The following COG8 variants were observed in gnomAD, a reference collection of about 807,000 sequenced individuals.
COG8 encodes conserved oligomeric Golgi complex subunit 8.
Under a neutral mutation model 46.5 loss-of-function variants are expected in COG8, and 45 were observed. That is an observed-to-expected ratio of 0.97 (90% confidence interval 0.76 to 1.24). The LOEUF (loss-of-function observed/expected upper bound fraction) is 1.24, where lower values mean the gene tolerates loss of function less well. COG8 is among the 50% of genes most tolerant of loss of function. The pLI, the probability that COG8 is intolerant of heterozygous loss-of-function variation, is 0.00. For missense variants in COG8, 793 were observed against 820.8 expected, an observed-to-expected ratio of 0.97 and a Z score of 0.41; for synonymous variants, 407 against 347.8, an observed-to-expected ratio of 1.17 and a Z score of -1.90.
chr16:69,329,046 G>A lies in COG8; in HGVS notation c.*160C>T, dbSNP rs774895943. On this transcript the variant is annotated 3_prime_UTR_variant, in exon 6 of 6. Coordinates refer to ENST00000306875, the MANE Select transcript of COG8 (RefSeq NM_032382.5). The stretch of plus-strand genomic sequence containing the variant: ...TTTAGTCATTCACCTTCATCCAATA[G>A]ACGTTTGTGAACGTCCTGCTGTCCA... 2 of 1,610,714 alleles carry A rather than the reference G, an allele frequency of 1.2e-6. No homozygotes were observed. The highest frequency in any genetic ancestry group is 1.7e-6 in the Non-Finnish European group (2 of 1,179,030).
intron 2 of COG8, 111 bp from the exon 3 acceptor site, chr16:69,335,459 G>A (rs2012156704): frequency 1.1e-6 from 1 of 922,798 alleles, no homozygotes; most frequent in African/African-American, 1.6e-5. Flanking sequence ...CCTGAAATGT[G>A]AAGTAATTTC....
At chr16:69,330,670 A>C in intron 5 of COG8, 143 bp downstream of exon 5, 1 of 1,395,612 alleles carries the variant, frequency 7.2e-7, no homozygotes, top group Non-Finnish European at 9.3e-7. Flanking sequence ...CCGCGACTGG[A>C]TCCCCGCCTT....
In COG8 at chr16:69,339,519, T is replaced by TGGCTACCGATGGGATAGTCGCCGC. The variant is rs1348779886; in HGVS notation, c.10_33dup (p.Ala4_Ala11dup). ...TCGCCGAGAGCCGCTGCTGTGGCCG[T>TGGCTACCGATGGGATAGTCGCCGC]GGCTACCGATGGGATAGTCGCCGCG... On this transcript the variant is annotated inframe_insertion, in exon 1 of 6. Transcript: ENST00000306875. 1 of 1,607,762 alleles carries TGGCTACCGATGGGATAGTCGCCGC rather than the reference T, an allele frequency of 6.2e-7. No homozygotes were observed. Among genetic ancestry groups the TGGCTACCGATGGGATAGTCGCCGC allele is most frequent in the East Asian group, 2.2e-5 (1 of 44,860 alleles).
At chr16:69,332,652 G>A (rs1222990858) in intron 4 of COG8, 62 bp downstream of exon 4, 3 of 1,414,076 alleles carry the variant, frequency 2.1e-6, no homozygotes, top group Admixed American at 1.7e-5. Flanking sequence ...ACAAATGGAT[G>A]AATTATTTAG....
In COG8 at chr16:69,329,203, G is replaced by T. The variant is rs141051526; in HGVS notation, c.*27-24C>A. 80 of 1,564,676 alleles carry T rather than the reference G, an allele frequency of 5.1e-5. 1 individual carries two copies. The East Asian group carries it at 1.2e-3, about 23-fold the overall frequency. On this transcript the variant is annotated intron_variant, in intron 5 of 5. Coordinates refer to ENST00000306875, the MANE Select transcript of COG8 (RefSeq NM_032382.5). ...CCCTGCAAAGGAAGTTACAGCCCTG[G>T]TGAGTGGGAACAGCTGAACTGCATC...
In COG8 at chr16:69,328,393, C is replaced by G. The variant is rs1222112642; in HGVS notation, c.*813G>C. On this transcript the variant is annotated 3_prime_UTR_variant, in exon 6 of 6. Transcript: ENST00000306875. ...CACTTCTCAATTGTCACCCCTGCCC[C>G]CAGCCCTGATCCACGGCCTCTACCC... The G allele has an allele frequency of 6.5e-6, 1 of 152,740 alleles. No individual in the cohort carries two copies. Among genetic ancestry groups the G allele is most frequent in the Non-Finnish European group, 1.5e-5 (1 of 68,432 alleles). 9.5% of individuals were successfully genotyped at this position (152,740 alleles called of 1,614,324 possible).
intron 5 of COG8, chr16:69,330,554 C>T (rs779162844): frequency 1.4e-6 from 2 of 1,469,956 alleles, no homozygotes; most frequent in Non-Finnish European, 1.8e-6. Flanking sequence ...ACTCAGCGCG[C>T]CCCACAGCCG....
chr16:69,339,332 T>C lies in COG8; in HGVS notation c.221A>G (p.Gln74Arg), dbSNP rs1433069189. 1 of 1,606,806 alleles carries C rather than the reference T, an allele frequency of 6.2e-7. No individual in the cohort carries two copies. Among genetic ancestry groups the C allele is most frequent in the South Asian group, 1.1e-5 (1 of 90,794 alleles). ...EPERLAEERA[Q>R]LLQQTRDLAF... ...CAAGTCGCGCGTCTGCTGCAGCAGC[T>C]GCGCCCGCTCCTCCGCCAGGCGCTC... The change falls in exon 1 of 6, where the codon CAG becomes CGG. Residue 74 changes from glutamine to arginine, a missense_variant. Transcript: ENST00000306875.
chr16:69,329,550 G>C (rs957423069), intron 5 of COG8, among the ~76,000 whole-genome samples: 1 of 152,204 alleles, frequency 6.6e-6, no homozygotes, highest in African/African-American at 2.4e-5. Context: ...ATCTTGAACC[G>C]ACGGGCTTGC....
At chr16:69,332,321 G>A (rs1210249799) in intron 4 of COG8, among the ~76,000 whole-genome samples, 1 of 151,876 alleles carries the variant, frequency 6.6e-6, no homozygotes, top group Non-Finnish European at 1.5e-5. Flanking sequence ...CTGCACTCCA[G>A]CCTGGCAACA....
At chr16:69,338,306 T>C (rs1379311432) in intron 1 of COG8, 2 of 151,396 alleles carry the variant, frequency 1.3e-5, no homozygotes, top group African/African-American at 2.4e-5. Flanking sequence ...ACTCCTGGGT[T>C]CAAGCCTCAG....
At position 69,332,698 on chromosome 16, in the gene COG8, A is replaced by C. The variant is rs774992576; in HGVS notation, c.1582+16T>G. On this transcript the variant is annotated intron_variant, in intron 4 of 5. Transcript: ENST00000306875. ...ACACATCAGTAAGGCAGTTTACAGAATTTTCATTCTCTTACCTAAAGTCTG... is the reference window on the plus strand; with the variant it reads ...ACACATCAGTAAGGCAGTTTACAGACTTTTCATTCTCTTACCTAAAGTCTG... The C allele has an allele frequency of 3.1e-6, 5 of 1,610,136 alleles. No homozygotes were observed. In the South Asian group the frequency reaches 4.4e-5, roughly 14 times the overall value.
chr16:69,339,533 A>G lies in COG8; in HGVS notation c.20T>C (p.Ile7Thr). Reference protein sequence around the residue: MATAATIPSVATATAAA... With the variant: MATAATTPSVATATAAA... ...TGCTGTGGCCGTGGCTACCGATGGG[A>G]TAGTCGCCGCGGTCGCCATCTTCCC... Residue 7 changes from isoleucine (I) to threonine (T), a missense_variant, in exon 1 of 6, where the codon ATC (isoleucine) becomes ACC (threonine). Physicochemically the swap from Ile to Thr is moderately conservative, Grantham distance 89. Transcript: ENST00000306875. The G allele has an allele frequency of 1.2e-6, 2 of 1,608,660 alleles. No homozygotes were observed. Among genetic ancestry groups the G allele is most frequent in the African/African-American group, 1.3e-5 (1 of 74,984 alleles).
At chr16:69,339,155 T>C in intron 1 of COG8, 21 bp downstream of exon 1, 1 of 1,612,902 alleles carries the variant, frequency 6.2e-7, no homozygotes, top group Non-Finnish European at 8.5e-7. Context: ...TAAAACCCCT[T>C]TAGCGCCAGG....
Position 69,329,129 on chromosome 16 carries a change from C to A in COG8, c.*77G>T. 1 of 1,608,998 alleles carries A rather than the reference C, an allele frequency of 6.2e-7. No individual in the cohort carries two copies. ...TCCATCTCGTGCTGGATGATGCGGG[C>A]TGCCCACCCGCTCGCCTGCCACACC... On this transcript the variant is annotated 3_prime_UTR_variant, in exon 6 of 6. Coordinates refer to ENST00000306875, the MANE Select transcript of COG8 (RefSeq NM_032382.5).
Position 69,334,493 on chromosome 16 carries a change from T to C in COG8, c.1413+28A>G, listed in dbSNP as rs1396724660. ...ACCCATTACCAGAGAAGGCCCAGGGTAGCAGAAAACCAACAGAATGTGCTC... is the reference window on the plus strand; with the variant it reads ...ACCCATTACCAGAGAAGGCCCAGGGCAGCAGAAAACCAACAGAATGTGCTC... On this transcript the variant is annotated intron_variant, in intron 3 of 5. Coordinates refer to ENST00000306875, the MANE Select transcript of COG8 (RefSeq NM_032382.5). 7 of 1,597,432 alleles carry C rather than the reference T, an allele frequency of 4.4e-6. No homozygotes were observed. The African/African-American group carries it at 9.4e-5, about 21-fold the overall frequency.
Position 69,334,869 on chromosome 16 carries a change from G to A in COG8, c.1065C>T (p.Ser355=). 6.2e-7 allele frequency: 1 copy of A among 1,614,200 alleles called. No homozygotes were observed. The highest frequency in any genetic ancestry group is 2.2e-5 in the East Asian group (1 of 44,880). The part of the protein sequence containing the change: ...LLGQCMYFGL[S]FSRVGADFRG... ...GGAAATCAGCTCCCACCCGGCTGAA[G>A]GACAGCCCAAAGTACATGCACTGGC... is the stretch of plus-strand genomic sequence containing the variant. The change falls in exon 3 of 6, where the codon TCC becomes TCT. Residue 355 remains serine, a synonymous_variant. Transcript: ENST00000306875.
rs1375098106 is a variant in COG8 at position 69,339,516 on chromosome 16, C to T, written c.37G>A (p.Ala13Thr). The T allele has an allele frequency of 3.7e-6, 6 of 1,607,458 alleles. No individual in the cohort carries two copies. The highest frequency in any genetic ancestry group is 2.2e-5 in the East Asian group (1 of 44,858). The change falls in exon 1 of 6, where the codon GCC (alanine) becomes ACC (threonine). Residue 13 changes from alanine (A) to threonine (T), a missense_variant. Coordinates refer to ENST00000306875, the MANE Select transcript of COG8 (RefSeq NM_032382.5). Reference sequence around the variant, plus strand: ...ACCTCGCCGAGAGCCGCTGCTGTGGCCGTGGCTACCGATGGGATAGTCGCC... The same window carrying T: ...ACCTCGCCGAGAGCCGCTGCTGTGGTCGTGGCTACCGATGGGATAGTCGCC... ...TAATIPSVATATAAALGEVED... is the reference protein window; with the variant it reads ...TAATIPSVATTTAAALGEVED...
intron 5 of COG8, chr16:69,330,432 A>G (rs1597220504): frequency 6.8e-7 from 1 of 1,472,404 alleles, no homozygotes; most frequent in Non-Finnish European, 8.9e-7. Context: ...CGCCAATAGG[A>G]GCGCCGCAGC....
Sources: allele counts gnomAD v4.1 joint callset (sites outside exome capture counted in the v4.1 genomes callset), GRCh38; gene constraint gnomAD v4.1.1; transcripts MANE v1.5; gene names NCBI Gene and HGNC (gene_info 2026-07-23, HGNC 2026-07-21).